The following TXN2 variants were observed in gnomAD, a reference collection of about 807,000 sequenced individuals.
TXN2 encodes thioredoxin 2.
In TXN2, 12 loss-of-function variants were observed where a neutral mutation model predicts 14.6. That is an observed-to-expected ratio of 0.82 (90% CI 0.53 to 1.33). TXN2 has a LOEUF of 1.33. Ranked by LOEUF, TXN2 falls within the 40% of genes most tolerant of loss-of-function variation. The pLI, the probability that TXN2 is intolerant of heterozygous loss-of-function variation, is 0.00. For missense variants in TXN2, 173 were observed against 207.7 expected (o/e 0.83, Z 1.03); for synonymous variants, 89 against 81.0 (o/e 1.10, Z -0.53).
chr22:36,472,186 T>C (rs1295533508), intron 3 of TXN2, among the ~76,000 whole-genome samples: 1 of 152,148 alleles, frequency 6.6e-6, no homozygotes, highest in Non-Finnish European at 1.5e-5. Flanking sequence ...ATGAGAGGGT[T>C]CTTGGAAAAA....
chr22:36,479,475 G>A (rs975824107), intron 2 of TXN2, among the ~76,000 whole-genome samples: 2 of 151,948 alleles, frequency 1.3e-5, no homozygotes, highest in Admixed American at 1.3e-4. Context: ...GGGATTACAG[G>A]TGCCCGCCAC....
chr22:36,480,371 G>A (rs1165483192), intron 2 of TXN2, among the ~76,000 whole-genome samples: 3 of 152,246 alleles, frequency 2.0e-5, no homozygotes, highest in Non-Finnish European at 4.4e-5. Context: ...GTGTTTCCCA[G>A]CACTAACAGT....
chr22:36,476,609 G>T, intron 3 of TXN2, 124 bp downstream of exon 3: 1 of 1,399,936 alleles, frequency 7.1e-7, no homozygotes. Flanking sequence ...AAAAGCTCTG[G>T]AAAAACCAAG....
intron 2 of TXN2, among the ~76,000 whole-genome samples, chr22:36,477,841 A>G (rs961986453): frequency 6.6e-6 from 1 of 152,190 alleles, no homozygotes; most frequent in African/African-American, 2.4e-5. Flanking sequence ...AGCTGTGTTG[A>G]AAGTGTTTTC....
intron 3 of TXN2, chr22:36,468,507 T>C (rs911231592): frequency 1.9e-5 from 6 of 309,992 alleles, no homozygotes; most frequent in African/African-American, 1.1e-4. Flanking sequence ...GAGGATTGCT[T>C]GAGTTCAAGA....
chr22:36,474,030 C>T (rs1603488485), intron 3 of TXN2, among the ~76,000 whole-genome samples: 3 of 152,208 alleles, frequency 2.0e-5, no homozygotes, highest in South Asian at 4.1e-4. Context: ...GCCAGGAGGC[C>T]TGAGACATCT....
Position 36,480,643 on chromosome 22 carries a change from C to G in TXN2, c.195G>C (p.Gln65His). ...CTCGGTCTTGAAAGTCAGGTCCATC[C>G]TGGATATTAAAGGTTGTCAAGGAGA... ...TRISLTTFNI[Q>H]DGPDFQDRVV... is the part of the protein sequence containing the mutation. Residue 65 changes from glutamine (Q) to histidine (H), a missense_variant, in exon 2 of 4, where the codon CAG becomes CAC. Gln to His is a conservative substitution (Grantham distance 24, BLOSUM62 0). Transcript: ENST00000216185. 4 of 1,614,182 alleles carry G rather than the reference C, an allele frequency of 2.5e-6. 1 individual carries two copies. Among genetic ancestry groups the G allele is most frequent in the Non-Finnish European group, 3.4e-6 (4 of 1,180,030 alleles).
At chr22:36,472,178 G>A (rs1459109568) in intron 3 of TXN2, among the ~76,000 whole-genome samples, 1 of 152,208 alleles carries the variant, frequency 6.6e-6, no homozygotes, top group Non-Finnish European at 1.5e-5. Flanking sequence ...TTTTAGATAT[G>A]AGAGGGTTCT....
chr22:36,480,168 C>T (rs1283380584), intron 2 of TXN2, among the ~76,000 whole-genome samples: 1 of 152,230 alleles, frequency 6.6e-6, no homozygotes, highest in Non-Finnish European at 1.5e-5. Flanking sequence ...CAGGCATGAG[C>T]CACCGCACCC....
chr22:36,471,845 C>T (rs1465653045), intron 3 of TXN2, among the ~76,000 whole-genome samples: 1 of 152,114 alleles, frequency 6.6e-6, no homozygotes, highest in African/African-American at 2.4e-5. Flanking sequence ...TGGCTCACGC[C>T]TGTAATTCCA....
chr22:36,476,595 A>T, intron 3 of TXN2, 138 bp downstream of exon 3: 1 of 1,288,818 alleles, frequency 7.8e-7, no homozygotes, highest in Non-Finnish European at 1.1e-6. Context: ...CCGTCTCAAA[A>T]AAAAAAAGCT....
chr22:36,481,473 C>T, intron 1 of TXN2, 91 bp downstream of exon 1: 1 of 653,208 alleles, frequency 1.5e-6, no homozygotes, highest in Non-Finnish European at 2.0e-6. Flanking sequence ...CTAGATCCCC[C>T]CGCCCGCCCG....
intron 2 of TXN2, among the ~76,000 whole-genome samples, chr22:36,478,521 A>C (rs1336694907): frequency 1.3e-5 from 2 of 151,990 alleles, no homozygotes; most frequent in South Asian, 2.1e-4. Flanking sequence ...ATGGAGTCTC[A>C]CTCTGTTGCC....
At position 36,467,876 on chromosome 22, in the gene TXN2, G is replaced by T. The variant is rs763307626; in HGVS notation, c.429C>A (p.Asp143Glu). The T allele has an allele frequency of 2.5e-6, 4 of 1,614,210 alleles. No homozygotes were observed. In the South Asian group the frequency reaches 4.4e-5, roughly 18 times the overall value. ...TGATGCCCACAAACTTGTCCACCAC[G>T]TCCCCATTCTTCATGGCCAGCACAG... Reference protein sequence around the residue: ...VPTVLAMKNGDVVDKFVGIKD... With the variant: ...VPTVLAMKNGEVVDKFVGIKD... Residue 143 changes from aspartate to glutamate, a missense_variant, in exon 4 of 4, where the codon GAC (aspartate) becomes GAA (glutamate). Asp to Glu is a conservative substitution (Grantham distance 45). Transcript: ENST00000216185.
chr22:36,476,464 C>T (rs1367665609), intron 3 of TXN2, among the ~76,000 whole-genome samples: 3 of 151,926 alleles, frequency 2.0e-5, no homozygotes, highest in Non-Finnish European at 2.9e-5. Flanking sequence ...TGGTGGTGTG[C>T]GCCTGTAGTC....
chr22:36,474,789 G>A (rs528403946), intron 3 of TXN2, among the ~76,000 whole-genome samples: 3 of 152,216 alleles, frequency 2.0e-5, no homozygotes, highest in South Asian at 2.1e-4. Context: ...CTCCCAATCC[G>A]GCTGCATTAT....
In TXN2 at chr22:36,480,575, T is replaced by C. The variant is rs184800122; in HGVS notation, c.263A>G (p.Gln88Arg). Residue 88 changes from glutamine to arginine, a missense_variant and splice_region_variant, in exon 2 of 4, where the codon CAG (glutamine) becomes CGG (arginine). Gln to Arg is a conservative substitution (Grantham distance 43, BLOSUM62 1). Transcript: ENST00000216185. ...ETPVVVDFHA[Q>R]WCGPCKILGP... is the part of the protein sequence containing the mutation. ...TCTTCTGTGGACCCCCAATACTCAC[T>C]GTGCGTGGAAATCCACAACCACTGG... 4 of 1,612,980 alleles carry C rather than the reference T, an allele frequency of 2.5e-6. No homozygotes were observed. Among genetic ancestry groups the C allele is most frequent in the African/African-American group, 2.7e-5 (2 of 75,042 alleles).
intron 2 of TXN2, among the ~76,000 whole-genome samples, chr22:36,479,768 A>G (rs1433880721): frequency 1.3e-5 from 2 of 152,346 alleles, no homozygotes; most frequent in East Asian, 3.9e-4. Context: ...GCCCAGGCTA[A>G]AATTCAGAAG....
At chr22:36,478,795 C>T (rs1431848685) in intron 2 of TXN2, among the ~76,000 whole-genome samples, 13 of 151,858 alleles carry the variant, frequency 8.6e-5, no homozygotes, top group African/African-American at 2.9e-4. Flanking sequence ...GGTGAAACCC[C>T]GTCTCTACTA....
Sources: allele counts gnomAD v4.1 joint callset (sites outside exome capture counted in the v4.1 genomes callset), GRCh38; gene constraint gnomAD v4.1.1; transcripts MANE v1.5; gene names NCBI Gene and HGNC (gene_info 2026-07-23, HGNC 2026-07-21).